MYO3B: variants seen among roughly 807,000 people sequenced by gnomAD.
The protein encoded by MYO3B is myosin IIIB.
Under a neutral mutation model 174.6 loss-of-function variants are expected in MYO3B, and 156 were observed. That is an observed-to-expected ratio of 0.89 (90% CI 0.78 to 1.02). The LOEUF is 1.02. Among genes scored for constraint, MYO3B ranks in the 50% least tolerant of loss-of-function variants. The pLI, the probability that MYO3B is intolerant of heterozygous loss-of-function variation, is 0.00. For missense variants in MYO3B, 1,632 were observed against 1,639.4 expected (o/e 1.00, Z 0.08); for synonymous variants, 563 against 569.1 (o/e 0.99, Z 0.15).
At chr2:170,322,113 GAA>G (rs56152648) in intron 7 of MYO3B, among the ~76,000 whole-genome samples, 85 of 85,974 alleles carry the variant, frequency 9.9e-4, no homozygotes, top group South Asian at 1.5e-3. Context: ...ACTCCGTCTC[GAA>G]AAAAAAAAAA....
chr2:170,388,549 G>A (rs1396142016), intron 14 of MYO3B, among the ~76,000 whole-genome samples: 1 of 152,040 alleles, frequency 6.6e-6, no homozygotes, highest in Admixed American at 6.6e-5. Context: ...TTTTCTAAGG[G>A]CAATAGGAAG....
In MYO3B at chr2:170,408,971, A is replaced by T. The variant is rs80232722; in HGVS notation, c.2650+1127A>T. On this transcript the variant is annotated intron_variant, in intron 22 of 34. Coordinates refer to ENST00000408978, the MANE Select transcript of MYO3B (RefSeq NM_138995.5). ...TCCCAGGAGCTCGGGGCAGGTGTGG[A>T]AAGGGCTATCTGGTGTTTCCTTACC... Among the ~76,000 whole-genome samples, 1,052 of 152,256 alleles carry T rather than the reference A, an allele frequency of 6.9e-3. 18 individuals are homozygous for T. The highest frequency in any genetic ancestry group is 0.024 in the African/African-American group (978 of 41,538).
At chr2:170,356,466 A>C (rs183368838) in intron 8 of MYO3B, among the ~76,000 whole-genome samples, 1 of 151,722 alleles carries the variant, frequency 6.6e-6, no homozygotes, top group Non-Finnish European at 1.5e-5. Flanking sequence ...GGGTTCAAGC[A>C]GTTCTCCTGC....
chr2:170,600,007 G>A lies in MYO3B; in HGVS notation c.3734-51621G>A, dbSNP rs184086511. ...TAATTGTTGATTATTTTCCCTTCCT[G>A]GAGATCTTGCCTTGCTTCTTATGGC... On this transcript the variant is annotated intron_variant, in intron 32 of 34. Coordinates refer to ENST00000408978, the MANE Select transcript of MYO3B (RefSeq NM_138995.5). Among the ~76,000 whole-genome samples, 362 of 152,044 alleles carry A rather than the reference G, an allele frequency of 2.4e-3. 3 individuals carry two copies. The highest frequency in any genetic ancestry group is 0.01 in the Middle Eastern group (3 of 294).
chr2:170,585,571 T>A (rs895150548), intron 32 of MYO3B, among the ~76,000 whole-genome samples: 1 of 152,194 alleles, frequency 6.6e-6, no homozygotes, highest in African/African-American at 2.4e-5. Context: ...CACAGGTACT[T>A]TCTTGGCCTG....
chr2:170,184,217 T>C (rs144965228), intron 1 of MYO3B, among the ~76,000 whole-genome samples: 379 of 152,262 alleles, frequency 2.5e-3, no homozygotes, highest in African/African-American at 8.8e-3. Context: ...AATTATACTT[T>C]TAGTTATTTT....
At chr2:170,513,647 C>T (rs943684117) in intron 28 of MYO3B, among the ~76,000 whole-genome samples, 1 of 152,160 alleles carries the variant, frequency 6.6e-6, no homozygotes, top group African/African-American at 2.4e-5. Context: ...ACTGACACAC[C>T]CCCTTAAAAG....
chr2:170,509,168 C>T (rs1212577522), intron 28 of MYO3B, among the ~76,000 whole-genome samples: 1 of 152,130 alleles, frequency 6.6e-6, no homozygotes, highest in African/African-American at 2.4e-5. Flanking sequence ...ACCAGCCTGG[C>T]CAACATGGCA....
intron 32 of MYO3B, among the ~76,000 whole-genome samples, chr2:170,630,946 G>T (rs931694081): frequency 6.6e-6 from 1 of 152,156 alleles, no homozygotes; most frequent in Non-Finnish European, 1.5e-5. Flanking sequence ...CACAAAGATG[G>T]GAAGATACCA....
At chr2:170,541,931 T>C (rs1301672016) in intron 30 of MYO3B, among the ~76,000 whole-genome samples, 1 of 152,192 alleles carries the variant, frequency 6.6e-6, no homozygotes, top group African/African-American at 2.4e-5. Context: ...TTGAAGGTAA[T>C]ATCCACAAAT....
intron 8 of MYO3B, among the ~76,000 whole-genome samples, chr2:170,358,930 AC>A (rs1228553244): frequency 6.6e-6 from 1 of 152,174 alleles, no homozygotes; most frequent in Non-Finnish European, 1.5e-5. Flanking sequence ...GTCTTTGCAT[AC>A]CCTATCTCCT....
At chr2:170,457,338 G>A (rs1057453439) in intron 23 of MYO3B, among the ~76,000 whole-genome samples, 1 of 151,710 alleles carries the variant, frequency 6.6e-6, no homozygotes, top group Non-Finnish European at 1.5e-5. Context: ...AACAAAGAAT[G>A]GTTTGGGACA....
chr2:170,402,675 A>G (rs779405216), intron 18 of MYO3B, among the ~76,000 whole-genome samples, 173 bp from the exon 19 acceptor site: 3 of 152,014 alleles, frequency 2.0e-5, no homozygotes, highest in Non-Finnish European at 4.4e-5. Flanking sequence ...AGGCCAAAAG[A>G]ACAAATAGTT....
chr2:170,190,969 G>A (rs1157780096), intron 1 of MYO3B, among the ~76,000 whole-genome samples: 1 of 151,962 alleles, frequency 6.6e-6, no homozygotes, highest in Non-Finnish European at 1.5e-5. Context: ...AGGCCAGCAT[G>A]TCTTTGAATC....
At chr2:170,619,044 C>A (rs993788393) in intron 32 of MYO3B, among the ~76,000 whole-genome samples, 3 of 152,192 alleles carry the variant, frequency 2.0e-5, no homozygotes, top group Admixed American at 1.3e-4. Context: ...TGAAGCTAGA[C>A]AACCAGTTAG....
intron 25 of MYO3B, among the ~76,000 whole-genome samples, chr2:170,467,095 A>G (rs1316315049): frequency 1.3e-5 from 2 of 152,180 alleles, no homozygotes; most frequent in East Asian, 1.9e-4. Flanking sequence ...GATAATTAAC[A>G]CTTACATAAC....
chr2:170,241,078 C>G (rs2093126867), intron 7 of MYO3B, among the ~76,000 whole-genome samples: 1 of 151,984 alleles, frequency 6.6e-6, no homozygotes, highest in Non-Finnish European at 1.5e-5. Flanking sequence ...ATAGCCAACA[C>G]CTTCTCTCCC....
intron 7 of MYO3B, among the ~76,000 whole-genome samples, chr2:170,296,964 A>G (rs1042746235): frequency 7.2e-5 from 11 of 152,156 alleles, no homozygotes; most frequent in Non-Finnish European, 8.8e-5. Flanking sequence ...AGCCATGACA[A>G]ACCGCACCCA....
At chr2:170,602,730 C>T (rs1694589498) in intron 32 of MYO3B, among the ~76,000 whole-genome samples, 3 of 152,158 alleles carry the variant, frequency 2.0e-5, no homozygotes, top group African/African-American at 7.2e-5. Context: ...ATCAGAAGCT[C>T]CAGCGTCTCC....
Sources: gnomAD v4.1 joint callset for allele counts (sites outside exome capture counted in the v4.1 genomes callset) on GRCh38, gnomAD v4.1.1 for gene constraint, MANE v1.5 for transcripts, NCBI Gene and HGNC (gene_info 2026-07-23, HGNC 2026-07-21) for gene names.